RAD51C: variants seen among roughly 807,000 people sequenced by gnomAD.
RAD51C encodes the protein DNA repair protein RAD51 homolog 3.
In RAD51C, 42 loss-of-function variants were observed where a neutral mutation model predicts 45.0. That is an observed-to-expected ratio of 0.93 (90% confidence interval 0.73 to 1.21). RAD51C has a LOEUF of 1.21. Ranked by LOEUF, RAD51C falls within the 50% of genes most tolerant of loss-of-function variation. The pLI is 0.00. For synonymous variants in RAD51C, 172 were observed against 159.8 expected (o/e 1.08, Z -0.58); for missense variants, 474 against 452.2 (o/e 1.05, Z -0.44).
chr17:58,698,333 C>G (rs1387789028), intron 3 of RAD51C, among the ~76,000 whole-genome samples: 2 of 151,558 alleles, frequency 1.3e-5, no homozygotes, highest in Non-Finnish European at 2.9e-5. Flanking sequence ...CAGGCACCCA[C>G]CACCATGCCC....
intron 4 of RAD51C, among the ~76,000 whole-genome samples, chr17:58,709,328 C>T (rs970787267): frequency 1.8e-4 from 27 of 151,994 alleles, no homozygotes; most frequent in African/African-American, 5.1e-4. Context: ...CCACCTGCCT[C>T]GGCCTCCCAA....
chr17:58,717,419 G>A (rs1484450521), intron 5 of RAD51C, among the ~76,000 whole-genome samples: 1 of 151,794 alleles, frequency 6.6e-6, no homozygotes. Flanking sequence ...GACAGAGTGA[G>A]ACCCCATTTC....
intron 7 of RAD51C, among the ~76,000 whole-genome samples, chr17:58,729,998 CA>C (rs2144025827): frequency 1.3e-5 from 2 of 152,110 alleles, no homozygotes; most frequent in South Asian, 4.2e-4. Context: ...ATTTAGATAC[CA>C]ATTTTTCAGA....
chr17:58,693,811 A>G lies in RAD51C; in HGVS notation c.145+1023A>G, dbSNP rs999363817. The G allele has an allele frequency of 1.3e-5, 2 of 152,246 alleles. No homozygotes were observed. The highest frequency in any genetic ancestry group is 2.4e-5 in the African/African-American group (1 of 41,476). 9.4% of individuals were successfully genotyped at this position (152,246 alleles called of 1,614,324 possible). A position where few individuals can be genotyped will look rare whatever the true frequency, so the allele number is the denominator to read the frequency against. ...TGAAGTAACTTGCCCAAAGTCATGCAGTAAGTGGTGCCAGGATTTACAAAC... is the reference window on the plus strand; with the variant it reads ...TGAAGTAACTTGCCCAAAGTCATGCGGTAAGTGGTGCCAGGATTTACAAAC... On this transcript the variant is annotated intron_variant, in intron 1 of 8. Coordinates refer to ENST00000337432, the MANE Select transcript of RAD51C (RefSeq NM_058216.3).
At chr17:58,730,083 T>G (rs2049352394) in intron 7 of RAD51C, among the ~76,000 whole-genome samples, 2 of 152,074 alleles carry the variant, frequency 1.3e-5, no homozygotes, top group South Asian at 4.1e-4. Flanking sequence ...GCCTCTCTTT[T>G]TCTGTGAATT....
intron 3 of RAD51C, 129 bp downstream of exon 3, chr17:58,696,988 AACT>A: frequency 8.8e-7 from 1 of 1,137,088 alleles, no homozygotes. Flanking sequence ...ACTAGTGTTA[AACT>A]CTTTTACTAC....
At chr17:58,723,078 C>T (rs1368281065) in intron 6 of RAD51C, among the ~76,000 whole-genome samples, 1 of 152,132 alleles carries the variant, frequency 6.6e-6, no homozygotes, top group Non-Finnish European at 1.5e-5. Flanking sequence ...AGTTCAACTG[C>T]CCTCTTTGCC....
At position 58,735,552 on chromosome 17, in the gene RAD51C, T is replaced by C. The variant is rs2049594522; in HGVS notation, c.*1330T>C. 2.6e-5 allele frequency: 4 copies of C among 152,186 alleles called. No individual in the cohort carries two copies. The highest frequency in any genetic ancestry group is 9.6e-5 in the African/African-American group (4 of 41,456). The allele number at this position is 152,186 out of a possible 1,614,324, so 9.4% of individuals were successfully genotyped here. On this transcript the variant is annotated 3_prime_UTR_variant, in exon 9 of 9. Transcript: ENST00000337432. ...CCATTCTAGAATTCTAGTTGTTATG[T>C]TGACATTTTTCTTTGAATAATCTTA...
intron 4 of RAD51C, among the ~76,000 whole-genome samples, chr17:58,704,827 C>G (rs183493744): frequency 7.2e-5 from 11 of 152,238 alleles, no homozygotes; most frequent in Admixed American, 6.5e-4. Context: ...TATTACCCAT[C>G]ATCCTGACCT....
At chr17:58,707,971 C>T (rs1266756258) in intron 4 of RAD51C, among the ~76,000 whole-genome samples, 2 of 152,164 alleles carry the variant, frequency 1.3e-5, no homozygotes, top group Non-Finnish European at 2.9e-5. Context: ...ATGTCATTCT[C>T]ATGACCTAAT....
chr17:58,717,411 CAGAG>C (rs2048777562), intron 5 of RAD51C, among the ~76,000 whole-genome samples: 3 of 151,972 alleles, frequency 2.0e-5, no homozygotes, highest in Admixed American at 1.3e-4. Flanking sequence ...GCCTGGGTGA[CAGAG>C]TGAGACCCCA....
intron 1 of RAD51C, chr17:58,693,093 G>A (rs1177392668): frequency 2.8e-6 from 1 of 363,504 alleles, no homozygotes; most frequent in Non-Finnish European, 5.1e-6. Flanking sequence ...ATATGGATGA[G>A]AGAACTGATA....
chr17:58,702,854 C>T (rs545810622), intron 3 of RAD51C, among the ~76,000 whole-genome samples: 7 of 152,126 alleles, frequency 4.6e-5, no homozygotes, highest in South Asian at 4.2e-4. Context: ...CAGAGTGAGA[C>T]CTTATCTCTA....
At chr17:58,721,060 C>A (rs1026233725) in intron 6 of RAD51C, among the ~76,000 whole-genome samples, 1 of 152,110 alleles carries the variant, frequency 6.6e-6, no homozygotes, top group Non-Finnish European at 1.5e-5. Flanking sequence ...CGAGGCGGAT[C>A]ACTTGAGGCC....
intron 7 of RAD51C, among the ~76,000 whole-genome samples, chr17:58,726,712 TTCCACGTAAATCTTTGAA>T (rs2049167164): frequency 6.6e-6 from 1 of 152,078 alleles, no homozygotes; most frequent in African/African-American, 2.4e-5. Flanking sequence ...TCATGTTATT[TTCCACGTAAATCTTTGAA>T]ATAGTGTTAC....
rs1481957875 is a variant in RAD51C at position 58,703,260 on chromosome 17, C to T, written c.636C>T (p.Arg212=). The change falls in exon 4 of 9, where the codon CGC becomes CGT. Residue 212 remains arginine (R), a synonymous_variant. Coordinates refer to ENST00000337432, the MANE Select transcript of RAD51C (RefSeq NM_058216.3). ...TTCTTTCTCATATTTATTATTTTCG[C>T]TGTCGTGACTACACAGAGTTACTGG... is the stretch of plus-strand genomic sequence containing the variant. The part of the protein sequence containing the change: ...DNILSHIYYF[R]CRDYTELLAQ... 2 of 1,607,366 alleles carry T rather than the reference C, an allele frequency of 1.2e-6. No homozygotes were observed. Among genetic ancestry groups the T allele is most frequent in the East Asian group, 2.2e-5 (1 of 44,758 alleles).
chr17:58,724,122 T>C, intron 7 of RAD51C, 22 bp downstream of exon 7: 1 of 1,584,384 alleles, frequency 6.3e-7, no homozygotes, highest in Non-Finnish European at 8.7e-7. Flanking sequence ...AACAAGTTAA[T>C]AACTCCGAAT....
chr17:58,712,144 C>T lies in RAD51C; in HGVS notation c.837+2154C>T, dbSNP rs148519756. 9.2e-5 allele frequency among the ~76,000 whole-genome samples: 14 copies of T among 151,628 alleles called. No individual in the cohort carries two copies. The East Asian group carries it at 1.6e-3, about 17-fold the overall frequency. ...TGGGCGGATCATGAGGTCAGGAGTT[C>T]GAGACCAGCCTGACCAACATGGTGA... On this transcript the variant is annotated intron_variant, in intron 5 of 8. Coordinates refer to ENST00000337432, the MANE Select transcript of RAD51C (RefSeq NM_058216.3).
In RAD51C at chr17:58,695,093, TC is replaced by T; in HGVS notation, c.309del (p.Cys104ValfsTer4). ...QEHTQGFIIT[F>X]CSALDDILGG... ...CATACCCAGGGCTTCATAATCACCT[TC>T]TGTTCAGCACTAGATGATATTCTTG... On this transcript the variant is annotated frameshift_variant, in exon 2 of 9. Transcript: ENST00000337432. LOFTEE classifies it high-confidence loss of function. 1 of 1,614,118 alleles carries T rather than the reference TC, an allele frequency of 6.2e-7. No homozygotes were observed. Among genetic ancestry groups the T allele is most frequent in the Non-Finnish European group, 8.5e-7 (1 of 1,180,032 alleles).
Sources: allele counts gnomAD v4.1 joint callset (sites outside exome capture counted in the v4.1 genomes callset), GRCh38; gene constraint gnomAD v4.1.1; transcripts MANE v1.5; gene names NCBI Gene and HGNC (gene_info 2026-07-23, HGNC 2026-07-21).